EPHA6: variants seen among roughly 807,000 people sequenced by gnomAD.
EPHA6 encodes the protein EPH receptor A6, also known as ephrin type-A receptor 6.
A neutral mutation model predicts 112.0 loss-of-function variants in EPHA6; 50 were observed. The observed-to-expected ratio is 0.45, with a 90% CI of 0.36 to 0.56. The LOEUF is 0.56. Ranked by LOEUF, EPHA6 falls within the 20% of genes least tolerant of loss-of-function variation. The pLI is 0.00. For synonymous variants in EPHA6, 529 were observed against 490.7 expected, an observed-to-expected ratio of 1.08 and a Z score of -1.03; for missense variants, 1,280 against 1,417.4, an observed-to-expected ratio of 0.90 and a Z score of 1.56.
chr3:97,019,361 A>G (rs1029282), intron 3 of EPHA6, among the ~76,000 whole-genome samples: 67,696 of 151,962 alleles, frequency 0.45, 17,737 homozygotes, highest in African/African-American at 0.73. Flanking sequence ...ACACATATGT[A>G]CTAATCATCA....
intron 11 of EPHA6, among the ~76,000 whole-genome samples, chr3:97,557,543 T>G (rs1232051740): frequency 6.6e-6 from 1 of 151,966 alleles, no homozygotes; most frequent in Admixed American, 6.6e-5. Context: ...GTTCCCGATA[T>G]ATGTCTAAGA....
chr3:97,525,168 T>G (rs2092601443), intron 10 of EPHA6, among the ~76,000 whole-genome samples: 2 of 152,156 alleles, frequency 1.3e-5, no homozygotes. Context: ...ATCCCTACAC[T>G]TTCTTCACTC....
At chr3:97,012,913 T>C (rs780023981) in intron 3 of EPHA6, among the ~76,000 whole-genome samples, 27 of 152,172 alleles carry the variant, frequency 1.8e-4, no homozygotes, top group Non-Finnish European at 3.2e-4. Context: ...TCTGTTAGTA[T>C]ATTTGCCCAC....
intron 2 of EPHA6, among the ~76,000 whole-genome samples, chr3:96,895,548 T>TCACTCACC (rs1339266770): frequency 6.6e-6 from 1 of 152,206 alleles, no homozygotes; most frequent in African/African-American, 2.4e-5. Context: ...GCCTTCACAT[T>TCACTCACC]CACTCACCAC....
At chr3:96,858,551 AG>A (rs1349175133) in intron 1 of EPHA6, among the ~76,000 whole-genome samples, 2 of 152,160 alleles carry the variant, frequency 1.3e-5, no homozygotes, top group Non-Finnish European at 2.9e-5. Flanking sequence ...GTCCCAAGTC[AG>A]TGTTACCTGA....
intron 10 of EPHA6, among the ~76,000 whole-genome samples, chr3:97,513,028 G>A (rs958758801): frequency 3.3e-5 from 5 of 152,086 alleles, no homozygotes; most frequent in East Asian, 1.9e-4. Flanking sequence ...GTTAAATACC[G>A]ATGCAGGTGT....
At chr3:97,630,100 C>G (rs1020930364) in intron 13 of EPHA6, among the ~76,000 whole-genome samples, 1 of 151,820 alleles carries the variant, frequency 6.6e-6, no homozygotes, top group Non-Finnish European at 1.5e-5. Flanking sequence ...TTTCACAAAT[C>G]CATATCTACT....
At chr3:97,080,737 T>C (rs1559715169) in intron 3 of EPHA6, among the ~76,000 whole-genome samples, 1 of 152,060 alleles carries the variant, frequency 6.6e-6, no homozygotes, top group South Asian at 2.1e-4. Context: ...ATGTATGTGG[T>C]TTTTTGCTTG....
intron 13 of EPHA6, 68 bp downstream of exon 13, chr3:97,610,922 T>A (rs2107458657): frequency 7.7e-7 from 1 of 1,297,454 alleles, no homozygotes; most frequent in Non-Finnish European, 1.1e-6. Flanking sequence ...TCATTTATCA[T>A]AAATTAATTT....
intron 3 of EPHA6, among the ~76,000 whole-genome samples, chr3:97,049,070 G>T (rs1331212910): frequency 2.0e-5 from 3 of 152,228 alleles, no homozygotes. Flanking sequence ...CATATCGGAA[G>T]AACATCAGGG....
At chr3:97,315,674 T>A (rs1162536405) in intron 5 of EPHA6, among the ~76,000 whole-genome samples, 1 of 151,822 alleles carries the variant, frequency 6.6e-6, no homozygotes, top group Non-Finnish European at 1.5e-5. Context: ...AATTTTCTTA[T>A]TGGTGTAAAG....
At chr3:97,330,074 A>T (rs2082705509) in intron 5 of EPHA6, among the ~76,000 whole-genome samples, 6 of 152,110 alleles carry the variant, frequency 3.9e-5, no homozygotes, top group Admixed American at 3.3e-4. Context: ...TTAAATAGGG[A>T]ATCCTTTCCC....
chr3:97,191,689 TA>T (rs2077311172), intron 3 of EPHA6, among the ~76,000 whole-genome samples: 1 of 152,154 alleles, frequency 6.6e-6, no homozygotes, highest in African/African-American at 2.4e-5. Flanking sequence ...CCACTGTGTA[TA>T]TGTACCACAT....
chr3:96,893,913 G>A (rs1479454351), intron 2 of EPHA6, among the ~76,000 whole-genome samples: 2 of 152,214 alleles, frequency 1.3e-5, no homozygotes, highest in African/African-American at 4.8e-5. Flanking sequence ...GAATGCTGAT[G>A]TGAAGACAGC....
At chr3:97,310,076 G>T (rs911590053) in intron 5 of EPHA6, among the ~76,000 whole-genome samples, 1 of 151,244 alleles carries the variant, frequency 6.6e-6, no homozygotes, top group Admixed American at 6.6e-5. Flanking sequence ...TAACTCTTTT[G>T]GTTAAAAGAC....
In EPHA6 at chr3:97,256,155, C is replaced by T. The variant is rs77308060; in HGVS notation, c.1606+11868C>T. Among the ~76,000 whole-genome samples, 3 of 152,038 alleles carry T rather than the reference C, an allele frequency of 2.0e-5. No homozygotes were observed. The East Asian group carries it at 5.8e-4, about 29-fold the overall frequency. On this transcript the variant is annotated intron_variant, in intron 5 of 17. Coordinates refer to ENST00000389672, the MANE Select transcript of EPHA6 (RefSeq NM_001080448.3). ...CTAGAACTGAATGTCATTCTCTAAA[C>T]TTTTCACAATGAATGTTTCTTTGTT...
At chr3:97,435,469 C>A (rs2089774587) in intron 6 of EPHA6, among the ~76,000 whole-genome samples, 1 of 151,998 alleles carries the variant, frequency 6.6e-6, no homozygotes, top group Non-Finnish European at 1.5e-5. Flanking sequence ...AGAAAACTTC[C>A]ACAAATGAGT....
intron 10 of EPHA6, among the ~76,000 whole-genome samples, chr3:97,516,064 G>A (rs911424910): frequency 2.0e-5 from 3 of 151,906 alleles, no homozygotes; most frequent in Admixed American, 2.0e-4. Flanking sequence ...CTATGGTATC[G>A]GTATAATTTT....
chr3:97,374,276 C>T (rs941446409), intron 5 of EPHA6, among the ~76,000 whole-genome samples: 3 of 152,122 alleles, frequency 2.0e-5, no homozygotes, highest in Admixed American at 6.6e-5. Flanking sequence ...TACTCTCCTA[C>T]CCTTTTGCTT....
Sources: allele counts gnomAD v4.1 joint callset (sites outside exome capture counted in the v4.1 genomes callset), GRCh38; gene constraint gnomAD v4.1.1; transcripts MANE v1.5; gene names NCBI Gene and HGNC (gene_info 2026-07-23, HGNC 2026-07-21).